LRRTM4: variants seen among roughly 807,000 people sequenced by gnomAD.
LRRTM4 encodes the protein leucine-rich repeat transmembrane neuronal protein 4.
A neutral mutation model predicts 47.6 loss-of-function variants in LRRTM4; 25 were observed. The ratio of observed to expected loss-of-function variants is 0.53; its 90% CI spans 0.38 to 0.73. The LOEUF is 0.73. LRRTM4 is among the 30% of genes least tolerant of loss of function. The pLI, the probability that LRRTM4 is intolerant of heterozygous loss-of-function variation, is 0.00. For synonymous variants in LRRTM4, 311 were observed against 269.5 expected, an observed-to-expected ratio of 1.15 and a Z score of -1.51; for missense variants, 638 against 713.4, an observed-to-expected ratio of 0.89 and a Z score of 1.20.
At chr2:77,459,624 T>A (rs1263512570) in intron 3 of LRRTM4, among the ~76,000 whole-genome samples, 1 of 151,982 alleles carries the variant, frequency 6.6e-6, no homozygotes, top group Non-Finnish European at 1.5e-5. Context: ...ACAGTTTATG[T>A]TAAACATATC....
At chr2:77,486,213 C>A (rs994648893) in intron 3 of LRRTM4, among the ~76,000 whole-genome samples, 1 of 152,114 alleles carries the variant, frequency 6.6e-6, no homozygotes, top group Non-Finnish European at 1.5e-5. Flanking sequence ...GCATTGTCAT[C>A]AGAAGTAAAT....
chr2:77,440,634 T>G (rs1020985108), intron 3 of LRRTM4, among the ~76,000 whole-genome samples: 1 of 152,228 alleles, frequency 6.6e-6, no homozygotes, highest in African/African-American at 2.4e-5. Flanking sequence ...GCACCGATTC[T>G]GTTGCAATGA....
chr2:77,456,494 A>G (rs1406512701), intron 3 of LRRTM4, among the ~76,000 whole-genome samples: 1 of 152,032 alleles, frequency 6.6e-6, no homozygotes, highest in Non-Finnish European at 1.5e-5. Context: ...TCATTCATTG[A>G]CTTCACTCTT....
intron 3 of LRRTM4, among the ~76,000 whole-genome samples, chr2:77,120,757 A>G (rs1572981746): frequency 6.6e-6 from 1 of 151,812 alleles, no homozygotes; most frequent in Non-Finnish European, 1.5e-5. Flanking sequence ...AAATCTCCAC[A>G]TTGAAAAAAT....
intron 3 of LRRTM4, among the ~76,000 whole-genome samples, chr2:76,951,802 C>A (rs1675506414): frequency 6.6e-6 from 1 of 151,650 alleles, no homozygotes; most frequent in Non-Finnish European, 1.5e-5. Context: ...CCCTGACAGG[C>A]CCCAGTGTGT....
chr2:76,882,615 G>T (rs1016101504), intron 3 of LRRTM4, among the ~76,000 whole-genome samples: 9 of 152,102 alleles, frequency 5.9e-5, no homozygotes, highest in Non-Finnish European at 1.3e-4. Context: ...GAGGTGGGAG[G>T]ATTCTACTAG....
At chr2:77,082,068 G>A (rs1435737935) in intron 3 of LRRTM4, among the ~76,000 whole-genome samples, 1 of 152,016 alleles carries the variant, frequency 6.6e-6, no homozygotes, top group Admixed American at 6.5e-5. Flanking sequence ...TTGTATTACT[G>A]CTTATTTAAC....
chr2:77,143,423 A>G (rs534429683), intron 3 of LRRTM4, among the ~76,000 whole-genome samples: 2 of 152,294 alleles, frequency 1.3e-5, no homozygotes, highest in East Asian at 3.9e-4. Context: ...ATAGTTGATC[A>G]TTTTTGTTTT....
chr2:77,340,097 G>A (rs924867964), intron 3 of LRRTM4, among the ~76,000 whole-genome samples: 3 of 151,886 alleles, frequency 2.0e-5, no homozygotes, highest in Non-Finnish European at 4.4e-5. Context: ...TATTTTCAAT[G>A]CAGTTTTCAA....
chr2:77,341,121 C>T (rs553286473), intron 3 of LRRTM4, among the ~76,000 whole-genome samples: 123 of 152,040 alleles, frequency 8.1e-4, no homozygotes, highest in Non-Finnish European at 4.4e-5. Context: ...TAATACTTAA[C>T]ATGAGTCACT....
chr2:77,037,479 G>C (rs1364817697), intron 3 of LRRTM4, among the ~76,000 whole-genome samples: 1 of 151,496 alleles, frequency 6.6e-6, no homozygotes, highest in African/African-American at 2.4e-5. Flanking sequence ...TACATGTTTT[G>C]TCTCTAAATT....
At chr2:77,307,027 G>A (rs901202564) in intron 3 of LRRTM4, among the ~76,000 whole-genome samples, 4 of 150,704 alleles carry the variant, frequency 2.7e-5, no homozygotes, top group African/African-American at 9.8e-5. Flanking sequence ...AGCCTCCCGC[G>A]TAGCTGGGAC....
At chr2:77,070,518 T>G (rs1470216999) in intron 3 of LRRTM4, among the ~76,000 whole-genome samples, 1 of 152,154 alleles carries the variant, frequency 6.6e-6, no homozygotes, top group Non-Finnish European at 1.5e-5. Flanking sequence ...CACTAAAAAT[T>G]TGACAAATGG....
intron 3 of LRRTM4, among the ~76,000 whole-genome samples, chr2:77,006,653 A>C (rs1677661571): frequency 1.3e-5 from 2 of 152,120 alleles, no homozygotes; most frequent in African/African-American, 2.4e-5. Context: ...ACAAGCGGAG[A>C]GATTCTAGAC....
At chr2:77,374,363 G>T (rs1389717774) in intron 3 of LRRTM4, among the ~76,000 whole-genome samples, 6 of 151,730 alleles carry the variant, frequency 4.0e-5, no homozygotes, top group African/African-American at 1.2e-4. Context: ...ATTTCACAAA[G>T]ATGTTAAAAA....
intron 3 of LRRTM4, among the ~76,000 whole-genome samples, chr2:77,136,027 C>G (rs547892290): frequency 6.6e-6 from 1 of 152,202 alleles, no homozygotes; most frequent in South Asian, 2.1e-4. Context: ...GGCGGCGGTT[C>G]CAAGATGGCC....
intron 3 of LRRTM4, among the ~76,000 whole-genome samples, chr2:76,797,412 T>C (rs1281419071): frequency 6.6e-6 from 1 of 151,732 alleles, no homozygotes; most frequent in Admixed American, 6.6e-5. Context: ...GACAAGCAAA[T>C]GCTGAGAGAT....
chr2:77,291,768 C>A (rs1676829644), intron 3 of LRRTM4, among the ~76,000 whole-genome samples: 1 of 151,692 alleles, frequency 6.6e-6, no homozygotes, highest in Admixed American at 6.6e-5. Flanking sequence ...AAATTATGTC[C>A]CATTTGATTA....
chr2:77,498,070 G>A (rs1018393270), intron 3 of LRRTM4, among the ~76,000 whole-genome samples: 3 of 151,734 alleles, frequency 2.0e-5, no homozygotes, highest in South Asian at 2.1e-4. Context: ...AGGTCTTTTC[G>A]ACTTCAAAAT....
Sources: allele counts gnomAD v4.1 joint callset (sites outside exome capture counted in the v4.1 genomes callset), GRCh38; gene constraint gnomAD v4.1.1; transcripts MANE v1.5; gene names NCBI Gene and HGNC (gene_info 2026-07-23, HGNC 2026-07-21).